RGS6: variants seen among roughly 807,000 people sequenced by gnomAD.
The protein encoded by RGS6 is regulator of G protein signaling 6, also known as regulator of G-protein signaling 6.
In RGS6, 30 loss-of-function variants were observed where a neutral mutation model predicts 78.5. The observed-to-expected ratio is 0.38, with a 90% CI of 0.29 to 0.52. The LOEUF (loss-of-function observed/expected upper bound fraction) is 0.52, where lower values mean the gene tolerates loss of function less well. Ranked by LOEUF, RGS6 falls within the 20% of genes least tolerant of loss-of-function variation. RGS6 has a pLI of 0.85. For synonymous variants in RGS6, 206 were observed against 206.0 expected, an observed-to-expected ratio of 1.00 and a Z score of 0.00; for missense variants, 495 against 609.7, an observed-to-expected ratio of 0.81 and a Z score of 1.98.
chr14:72,425,203 A>T (rs984482712), intron 3 of RGS6, among the ~76,000 whole-genome samples: 1 of 152,114 alleles, frequency 6.6e-6, no homozygotes, highest in Non-Finnish European at 1.5e-5. Flanking sequence ...TAGTGGTACA[A>T]TCTTGACTCA....
chr14:72,093,159 T>A (rs1415190368), intron 2 of RGS6, among the ~76,000 whole-genome samples: 1 of 152,134 alleles, frequency 6.6e-6, no homozygotes, highest in African/African-American at 2.4e-5. Context: ...TCTTTCTCCT[T>A]CCCTCTTCAA....
the RGS6 span, among the ~76,000 whole-genome samples, chr14:71,899,370 T>G: frequency 6.6e-6 from 1 of 152,228 alleles, no homozygotes; most frequent in South Asian, 2.1e-4. Context: ...TTCTGTAAAC[T>G]GAATCTCTTT....
At chr14:72,530,041 TTGAC>T (rs1409307887) in intron 15 of RGS6, among the ~76,000 whole-genome samples, 2 of 152,272 alleles carry the variant, frequency 1.3e-5, no homozygotes, top group African/African-American at 4.8e-5. Context: ...TCTATTTTGA[TTGAC>T]AAGTTCTTTC....
chr14:72,265,373 T>C (rs978069671), intron 2 of RGS6, among the ~76,000 whole-genome samples: 6 of 152,160 alleles, frequency 3.9e-5, no homozygotes, highest in African/African-American at 1.4e-4. Flanking sequence ...TCCTGCCACC[T>C]GGCTCAGACA....
At chr14:71,922,231 A>T in the RGS6 span, among the ~76,000 whole-genome samples, 2 of 152,122 alleles carry the variant, frequency 1.3e-5, no homozygotes, top group African/African-American at 4.8e-5. Flanking sequence ...TTCCTCTCAC[A>T]ATCCTCTTCT....
chr14:72,406,181 T>C (rs1175564327), intron 3 of RGS6, among the ~76,000 whole-genome samples: 1 of 151,874 alleles, frequency 6.6e-6, no homozygotes, highest in Non-Finnish European at 1.5e-5. Flanking sequence ...GGTCAGGAGA[T>C]CAAGACCATC....
the RGS6 span, among the ~76,000 whole-genome samples, chr14:71,924,743 A>G: frequency 6.6e-6 from 1 of 152,224 alleles, no homozygotes. Context: ...TTAAGCCTGA[A>G]TAATATTCCA....
At chr14:72,015,179 G>C (rs1241284381) in intron 2 of RGS6, among the ~76,000 whole-genome samples, 1 of 152,214 alleles carries the variant, frequency 6.6e-6, no homozygotes, top group Non-Finnish European at 1.5e-5. Flanking sequence ...ATGGAGGAAG[G>C]TGAGGGGAAA....
chr14:71,903,995 T>C, the RGS6 span, among the ~76,000 whole-genome samples: 1 of 152,324 alleles, frequency 6.6e-6, no homozygotes, highest in South Asian at 2.1e-4. Flanking sequence ...ATTTCAATAA[T>C]ATCATATCTA....
At chr14:72,117,097 G>A (rs2095911323) in intron 2 of RGS6, among the ~76,000 whole-genome samples, 1 of 152,094 alleles carries the variant, frequency 6.6e-6, no homozygotes, top group South Asian at 2.1e-4. Flanking sequence ...CAGAGATCTG[G>A]GGACAAAATG....
chr14:71,972,327 G>A (rs1471415974), intron 2 of RGS6, among the ~76,000 whole-genome samples: 1 of 139,610 alleles, frequency 7.2e-6, no homozygotes, highest in Non-Finnish European at 1.6e-5. Flanking sequence ...ACTTCTACTA[G>A]CCAGGGGTTT....
intron 2 of RGS6, among the ~76,000 whole-genome samples, chr14:72,092,031 G>A (rs540649959): frequency 1.0e-4 from 8 of 79,728 alleles, no homozygotes; most frequent in Non-Finnish European, 1.7e-4. Context: ...GTTTTGTTTT[G>A]TTTTGTTTTT....
chr14:72,355,328 G>A (rs546203038), intron 3 of RGS6, among the ~76,000 whole-genome samples: 121 of 151,836 alleles, frequency 8.0e-4, no homozygotes, highest in African/African-American at 2.8e-3. Flanking sequence ...TGAGTAGCTG[G>A]GATTACAGGC....
In RGS6 at chr14:72,316,896, AGTGTGTGTGT is replaced by A. The variant is rs71109731; in HGVS notation, c.85-35168_85-35159del. Among the ~76,000 whole-genome samples the A allele has an allele frequency of 3.1e-3, 445 of 141,920 alleles. 1 individual carries two copies. Among genetic ancestry groups the A allele is most frequent in the African/African-American group, 0.011 (408 of 37,690 alleles). 93.1% of individuals were successfully genotyped at this position (141,920 alleles called of 152,430 possible). A position where few individuals can be genotyped will look rare whatever the true frequency, so the allele number is the denominator to read the frequency against. On this transcript the variant is annotated intron_variant, in intron 2 of 17. Coordinates refer to ENST00000553525, the MANE Select transcript of RGS6 (RefSeq NM_001204424.2). ...GGTATAGAGAATTGAAAGCAGGTGA[AGTGTGTGTGT>A]GTGTGTGTGTGTGTGTGTGTGTGTG...
intron 2 of RGS6, among the ~76,000 whole-genome samples, chr14:72,111,833 G>T (rs1393565364): frequency 1.3e-5 from 2 of 152,180 alleles, no homozygotes; most frequent in Non-Finnish European, 2.9e-5. Flanking sequence ...TTGCTTAAAT[G>T]ATTGTGTGCT....
intron 2 of RGS6, among the ~76,000 whole-genome samples, chr14:72,130,937 G>C (rs1301029697): frequency 6.6e-6 from 1 of 152,202 alleles, no homozygotes; most frequent in African/African-American, 2.4e-5. Flanking sequence ...GTTGGACACT[G>C]TTTCCCCTTG....
intron 2 of RGS6, among the ~76,000 whole-genome samples, chr14:72,018,265 A>AT (rs2087534570): frequency 6.6e-6 from 1 of 151,950 alleles, no homozygotes; most frequent in Non-Finnish European, 1.5e-5. Context: ...GCATCTGATT[A>AT]TTTTTTCTCT....
At chr14:72,214,502 G>A (rs530833281) in intron 2 of RGS6, among the ~76,000 whole-genome samples, 10 of 152,272 alleles carry the variant, frequency 6.6e-5, no homozygotes, top group Admixed American at 3.9e-4. Context: ...TTTCCAAAAC[G>A]TGATTGAGCT....
At chr14:72,127,237 C>G (rs957889965) in intron 2 of RGS6, among the ~76,000 whole-genome samples, 1 of 152,058 alleles carries the variant, frequency 6.6e-6, no homozygotes, top group Admixed American at 6.6e-5. Flanking sequence ...AGTCACTGAC[C>G]TATGAAACCA....
Sources: allele counts gnomAD v4.1 joint callset (sites outside exome capture counted in the v4.1 genomes callset), GRCh38; gene constraint gnomAD v4.1.1; transcripts MANE v1.5; gene names NCBI Gene and HGNC (gene_info 2026-07-23, HGNC 2026-07-21).